HECW2: variants seen among roughly 807,000 people sequenced by gnomAD.
The protein encoded by HECW2 is HECT, C2 and WW domain containing E3 ubiquitin protein ligase 2.
A neutral mutation model predicts 175.2 loss-of-function variants in HECW2; 61 were observed. That is an observed-to-expected ratio of 0.35 (90% CI 0.28 to 0.43). The LOEUF (loss-of-function observed/expected upper bound fraction) is 0.43, where lower values mean the gene tolerates loss of function less well. Among genes scored for constraint, HECW2 ranks in the 20% least tolerant of loss-of-function variants. The probability of loss-of-function intolerance (pLI) is 1.00; values close to 1 mark genes in which losing one functional copy is unlikely to be tolerated. For synonymous variants in HECW2, 671 were observed against 731.0 expected (o/e 0.92, Z 1.32); for missense variants, 1,524 against 2,000.5 (o/e 0.76, Z 4.54).
intron 1 of HECW2, among the ~76,000 whole-genome samples, chr2:196,542,383 C>T (rs1689250442): frequency 6.6e-6 from 1 of 151,936 alleles, no homozygotes; most frequent in South Asian, 2.1e-4. Context: ...AAATCCAACA[C>T]TGGAAAACCG....
At chr2:196,571,553 A>G (rs548875760) in intron 1 of HECW2, among the ~76,000 whole-genome samples, 1 of 152,114 alleles carries the variant, frequency 6.6e-6, no homozygotes, top group Non-Finnish European at 1.5e-5. Context: ...TACTAAAAAT[A>G]CAAAAATTAG....
chr2:196,387,474 G>A (rs1694382355), intron 2 of HECW2, among the ~76,000 whole-genome samples: 1 of 152,126 alleles, frequency 6.6e-6, no homozygotes, highest in South Asian at 2.1e-4. Context: ...GTCCTCACTG[G>A]ACACCGAATC....
intron 17 of HECW2, among the ~76,000 whole-genome samples, chr2:196,270,547 G>A (rs1414953866): frequency 2.0e-5 from 3 of 152,162 alleles, no homozygotes; most frequent in African/African-American, 7.2e-5. Context: ...TCAATAAACT[G>A]TATGCTACTT....
chr2:196,473,575 T>C (rs144172989), intron 1 of HECW2, among the ~76,000 whole-genome samples: 130 of 152,290 alleles, frequency 8.5e-4, no homozygotes, highest in African/African-American at 3.0e-3. Context: ...TTTTTAGAGA[T>C]AATTTATTAG....
At chr2:196,305,842 T>A (rs1691236987) in intron 13 of HECW2, among the ~76,000 whole-genome samples, 1 of 152,228 alleles carries the variant, frequency 6.6e-6, no homozygotes, top group Non-Finnish European at 1.5e-5. Context: ...GCTAGACTTC[T>A]ATGGCCAATG....
At chr2:196,280,717 G>T (rs1288378388) in intron 14 of HECW2, among the ~76,000 whole-genome samples, 1 of 152,136 alleles carries the variant, frequency 6.6e-6, no homozygotes, top group African/African-American at 2.4e-5. Flanking sequence ...GCATTGACAG[G>T]TTCTGACCCC....
intron 2 of HECW2, among the ~76,000 whole-genome samples, chr2:196,402,427 T>G (rs909721313): frequency 2.6e-5 from 4 of 152,036 alleles, no homozygotes; most frequent in Non-Finnish European, 4.4e-5. Context: ...GGAATAAGAG[T>G]GAGAGACTCT....
At chr2:196,539,130 T>G (rs915475875) in intron 1 of HECW2, among the ~76,000 whole-genome samples, 1 of 152,140 alleles carries the variant, frequency 6.6e-6, no homozygotes, top group Non-Finnish European at 1.5e-5. Flanking sequence ...GGTAGTTTGG[T>G]GGAGAAACTC....
chr2:196,251,459 A>G (rs1688851364), intron 19 of HECW2, among the ~76,000 whole-genome samples: 1 of 152,128 alleles, frequency 6.6e-6, no homozygotes, highest in Non-Finnish European at 1.5e-5. Flanking sequence ...CCTGTGCGCC[A>G]TGGCTGCCAT....
intron 10 of HECW2, among the ~76,000 whole-genome samples, chr2:196,313,713 G>T (rs879880307): frequency 7.9e-5 from 12 of 152,038 alleles, no homozygotes; most frequent in Non-Finnish European, 1.5e-4. Context: ...TGATGAAAAG[G>T]TGCTAAAATA....
intron 2 of HECW2, among the ~76,000 whole-genome samples, chr2:196,359,233 A>AG (rs1693497387): frequency 6.6e-6 from 1 of 152,154 alleles, no homozygotes; most frequent in Admixed American, 6.5e-5. Context: ...GTGGATCATG[A>AG]GGTCAGGAGA....
At chr2:196,371,982 C>G (rs1157071582) in intron 2 of HECW2, among the ~76,000 whole-genome samples, 1 of 152,130 alleles carries the variant, frequency 6.6e-6, no homozygotes, top group South Asian at 2.1e-4. Context: ...TAAAGTAGTA[C>G]TTTTTCACTT....
intron 1 of HECW2, among the ~76,000 whole-genome samples, chr2:196,588,120 C>G (rs1233207452): frequency 6.6e-6 from 1 of 152,194 alleles, no homozygotes; most frequent in African/African-American, 2.4e-5. Context: ...AAGCACTCAT[C>G]TCCTTCTAGC....
intron 2 of HECW2, among the ~76,000 whole-genome samples, chr2:196,347,738 TAA>T (rs1559057777): frequency 6.6e-6 from 1 of 152,200 alleles, no homozygotes; most frequent in Non-Finnish European, 1.5e-5. Context: ...TTGGCCTTCA[TAA>T]GGAAGGAAAG....
intron 1 of HECW2, among the ~76,000 whole-genome samples, chr2:196,451,470 G>A (rs1324921105): frequency 6.6e-6 from 1 of 150,534 alleles, no homozygotes; most frequent in East Asian, 1.9e-4. Flanking sequence ...GTGGGGTAAA[G>A]TTTATACCCA....
rs72912739 is a variant in HECW2 at position 196,431,655 on chromosome 2, C to T, written c.292+1477G>A. 4.7e-3 allele frequency among the ~76,000 whole-genome samples: 708 copies of T among 152,228 alleles called. 3 individuals carry two copies. The highest frequency in any genetic ancestry group is 0.01 in the Middle Eastern group (3 of 294). On this transcript the variant is annotated intron_variant, in intron 2 of 28. Coordinates refer to ENST00000644978, the MANE Select transcript of HECW2 (RefSeq NM_001348768.2). ...AAAAGGGTTACATCTAAAGTCCCAA[C>T]AAAACTAAGACTTTTTGTGAACATA...
At chr2:196,479,547 T>C (rs1466695002) in intron 1 of HECW2, among the ~76,000 whole-genome samples, 1 of 152,186 alleles carries the variant, frequency 6.6e-6, no homozygotes, top group Non-Finnish European at 1.5e-5. Context: ...CTGCCTCTAA[T>C]TGTGAATCAC....
At chr2:196,562,287 C>T (rs1028085358) in intron 1 of HECW2, among the ~76,000 whole-genome samples, 2 of 152,302 alleles carry the variant, frequency 1.3e-5, no homozygotes, top group Non-Finnish European at 2.9e-5. Context: ...GTGATACATA[C>T]TAAATTTCTT....
At chr2:196,203,084 G>A (rs1428536331) in intron 28 of HECW2, among the ~76,000 whole-genome samples, 1 of 152,096 alleles carries the variant, frequency 6.6e-6, no homozygotes, top group Non-Finnish European at 1.5e-5. Flanking sequence ...CACTCAAAAA[G>A]TTTTGGATTT....
Sources: gnomAD v4.1 joint callset for allele counts (sites outside exome capture counted in the v4.1 genomes callset) on GRCh38, gnomAD v4.1.1 for gene constraint, MANE v1.5 for transcripts, NCBI Gene and HGNC (gene_info 2026-07-23, HGNC 2026-07-21) for gene names.